LRMDA: variants seen among roughly 807,000 people sequenced by gnomAD.
LRMDA encodes the protein leucine rich melanocyte differentiation associated.
A neutral mutation model predicts 29.8 loss-of-function variants in LRMDA; 18 were observed. That is an observed-to-expected ratio of 0.60 (90% CI 0.42 to 0.90). The LOEUF (loss-of-function observed/expected upper bound fraction) is 0.90. LRMDA is among the 40% of genes least tolerant of loss of function. LRMDA has a pLI of 0.00. For missense variants in LRMDA, 273 were observed against 273.9 expected (o/e 1.00, Z 0.02); for synonymous variants, 125 against 109.4 (o/e 1.14, Z -0.89).
chr10:76,361,922 G>A (rs984558095), intron 6 of LRMDA, among the ~76,000 whole-genome samples: 1 of 152,128 alleles, frequency 6.6e-6, no homozygotes, highest in African/African-American at 2.4e-5. Context: ...AAAGTTAAAT[G>A]CAGGGAGAAG....
intron 2 of LRMDA, among the ~76,000 whole-genome samples, chr10:75,703,325 A>T (rs751031696): frequency 6.6e-6 from 1 of 152,220 alleles, no homozygotes; most frequent in African/African-American, 2.4e-5. Context: ...CTTAGCAGCA[A>T]TGAGGCAGAA....
At chr10:76,290,260 A>G (rs1455546511) in intron 5 of LRMDA, among the ~76,000 whole-genome samples, 4 of 152,150 alleles carry the variant, frequency 2.6e-5, no homozygotes, top group African/African-American at 7.2e-5. Flanking sequence ...GCCCTTAAAC[A>G]TATTTCCCAA....
At chr10:75,892,526 T>C (rs901653212) in intron 2 of LRMDA, among the ~76,000 whole-genome samples, 1 of 152,270 alleles carries the variant, frequency 6.6e-6, no homozygotes, top group Non-Finnish European at 1.5e-5. Context: ...GGCAATGGCT[T>C]AGAACCTGAC....
intron 2 of LRMDA, among the ~76,000 whole-genome samples, chr10:75,728,890 C>T (rs1321757375): frequency 1.3e-5 from 2 of 152,076 alleles, no homozygotes. Flanking sequence ...TCCCCCTGCC[C>T]GTGGCACAGT....
intron 2 of LRMDA, among the ~76,000 whole-genome samples, chr10:75,769,480 A>T (rs1044878434): frequency 1.3e-5 from 2 of 152,228 alleles, no homozygotes; most frequent in African/African-American, 4.8e-5. Flanking sequence ...TGTGATAGCC[A>T]TAATTCTGTT....
intron 2 of LRMDA, among the ~76,000 whole-genome samples, chr10:75,678,604 C>T (rs1841988543): frequency 1.3e-5 from 2 of 152,160 alleles, no homozygotes; most frequent in African/African-American, 4.8e-5. Flanking sequence ...AGAAGTTTGG[C>T]AACTGGGCAC....
At chr10:76,336,776 T>G (rs1472291373) in intron 6 of LRMDA, among the ~76,000 whole-genome samples, 1 of 152,214 alleles carries the variant, frequency 6.6e-6, no homozygotes, top group Non-Finnish European at 1.5e-5. Flanking sequence ...TTTATTCCTT[T>G]ATTTATCTTG....
At chr10:75,490,064 G>T (rs1844965480) in intron 2 of LRMDA, among the ~76,000 whole-genome samples, 1 of 152,064 alleles carries the variant, frequency 6.6e-6, no homozygotes, top group Non-Finnish European at 1.5e-5. Context: ...CATGTCATTT[G>T]TGTCTTACAA....
chr10:75,821,716 C>T (rs1307107262), intron 2 of LRMDA, among the ~76,000 whole-genome samples: 2 of 152,138 alleles, frequency 1.3e-5, no homozygotes, highest in African/African-American at 4.8e-5. Context: ...TTGCAGTGAG[C>T]CGAGATCACG....
At position 75,625,408 on chromosome 10, in the gene LRMDA, C is replaced by T. The variant is rs575690293; in HGVS notation, c.131+186914C>T. Among the ~76,000 whole-genome samples the T allele has an allele frequency of 2.0e-4, 31 of 152,196 alleles. 1 individual carries two copies. The South Asian group carries it at 3.1e-3, about 15-fold the overall frequency. Reference sequence around the variant, plus strand: ...ATCAAGGCCATAAAGCCCGAGAGTCCGTTTCTGTCTTTTCCTATGCACTGT... The same window carrying T: ...ATCAAGGCCATAAAGCCCGAGAGTCTGTTTCTGTCTTTTCCTATGCACTGT... On this transcript the variant is annotated intron_variant, in intron 2 of 6. Transcript: ENST00000611255.
intron 6 of LRMDA, chr10:76,346,701 A>G (rs1003083106): frequency 6.6e-6 from 1 of 152,184 alleles, no homozygotes; most frequent in African/African-American, 2.4e-5. Flanking sequence ...TTAATCCGGG[A>G]AACATCTCAT....
At chr10:75,645,367 G>A (rs1342561789) in intron 2 of LRMDA, among the ~76,000 whole-genome samples, 3 of 152,186 alleles carry the variant, frequency 2.0e-5, no homozygotes, top group Admixed American at 6.5e-5. Context: ...AGCTCAGAGA[G>A]GTCCAGTAAC....
At chr10:75,825,204 G>A (rs1053401168) in intron 2 of LRMDA, among the ~76,000 whole-genome samples, 3 of 152,158 alleles carry the variant, frequency 2.0e-5, no homozygotes, top group African/African-American at 7.2e-5. Flanking sequence ...TTGGTGTGAC[G>A]CCTCCTTAAA....
intron 6 of LRMDA, among the ~76,000 whole-genome samples, chr10:76,362,351 C>A (rs1841322897): frequency 6.6e-6 from 1 of 152,132 alleles, no homozygotes; most frequent in Non-Finnish European, 1.5e-5. Context: ...AACTGGGTGA[C>A]CTTGGGCCAG....
chr10:75,534,341 G>T (rs754531051), intron 2 of LRMDA, among the ~76,000 whole-genome samples: 4 of 152,204 alleles, frequency 2.6e-5, no homozygotes, highest in Non-Finnish European at 4.4e-5. Flanking sequence ...GGGACTTGCT[G>T]TCATGTGGTG....
chr10:76,270,480 T>C (rs538095534), intron 5 of LRMDA: 1 of 151,810 alleles, frequency 6.6e-6, no homozygotes, highest in South Asian at 2.1e-4. Flanking sequence ...AGAGAGAGAG[T>C]AGATTATGAA....
chr10:76,246,341 C>T (rs561658564), intron 5 of LRMDA, among the ~76,000 whole-genome samples: 13 of 152,272 alleles, frequency 8.5e-5, no homozygotes, highest in East Asian at 3.9e-4. Context: ...AGGTTTCTAA[C>T]GCAGGTTCTT....
intron 2 of LRMDA, among the ~76,000 whole-genome samples, chr10:75,761,312 A>G (rs1397820194): frequency 7.9e-5 from 12 of 152,352 alleles, no homozygotes; most frequent in Non-Finnish European, 1.5e-5. Flanking sequence ...ATGGATAAAC[A>G]AAATATAGCC....
intron 5 of LRMDA, among the ~76,000 whole-genome samples, chr10:76,147,837 T>C (rs1452883075): frequency 3.3e-5 from 5 of 152,320 alleles, no homozygotes; most frequent in Non-Finnish European, 2.9e-5. Context: ...TGGTCTTTGA[T>C]GATGGTGACG....
Sources: gnomAD v4.1 joint callset for allele counts (sites outside exome capture counted in the v4.1 genomes callset) on GRCh38, gnomAD v4.1.1 for gene constraint, MANE v1.5 for transcripts, NCBI Gene and HGNC (gene_info 2026-07-23, HGNC 2026-07-21) for gene names.